Variants in RAB10 observed in about 807,000 individuals in gnomAD.
RAB10 encodes RAB10, member RAS oncogene family, also known as ras-related protein Rab-10.
A neutral mutation model predicts 25.7 loss-of-function variants in RAB10; 5 were observed. The observed-to-expected ratio is 0.19, with a 90% CI of 0.10 to 0.41. The LOEUF is 0.41. Ranked by LOEUF, RAB10 falls within the 10% of genes least tolerant of loss-of-function variation. The pLI is 1.00. For missense variants in RAB10, 103 were observed against 245.8 expected (o/e 0.42, Z 3.89); for synonymous variants, 89 against 86.4 (o/e 1.03, Z -0.16).
chr2:26,113,202 T>G (rs1667611099), intron 3 of RAB10, among the ~76,000 whole-genome samples: 1 of 152,154 alleles, frequency 6.6e-6, no homozygotes, highest in Non-Finnish European at 1.5e-5. Context: ...ATACACCATA[T>G]TAATAGACGA....
intron 1 of RAB10, among the ~76,000 whole-genome samples, chr2:26,076,510 CT>C (rs1409683083): frequency 6.6e-6 from 1 of 152,148 alleles, no homozygotes; most frequent in Non-Finnish European, 1.5e-5. Flanking sequence ...CTGCCATGTT[CT>C]GGAGAACACC....
chr2:26,075,813 T>C (rs546360838), intron 1 of RAB10, among the ~76,000 whole-genome samples: 25 of 151,980 alleles, frequency 1.6e-4, no homozygotes, highest in East Asian at 1.2e-3. Context: ...TGTAGAAAAA[T>C]ATGAAAACTT....
chr2:26,110,695 G>T (rs779625978), intron 3 of RAB10, among the ~76,000 whole-genome samples: 13 of 150,620 alleles, frequency 8.6e-5, no homozygotes, highest in African/African-American at 1.5e-4. Flanking sequence ...TGAAAATGTT[G>T]TTTTTTTTTC....
At chr2:26,048,718 GA>G (rs1394012509) in intron 1 of RAB10, among the ~76,000 whole-genome samples, 7 of 152,052 alleles carry the variant, frequency 4.6e-5, no homozygotes, top group East Asian at 3.9e-4. Context: ...CTACAAAAAA[GA>G]AAAAAATTAG....
chr2:26,079,666 CTTCT>C (rs774581672), intron 1 of RAB10, among the ~76,000 whole-genome samples: 8 of 152,044 alleles, frequency 5.3e-5, no homozygotes, highest in Admixed American at 6.6e-5. Context: ...TCCCTTTTCT[CTTCT>C]TTCTTTTCCT....
At chr2:26,090,502 CTTT>C (rs35732202) in intron 1 of RAB10, among the ~76,000 whole-genome samples, 1 of 143,512 alleles carries the variant, frequency 7.0e-6, no homozygotes, top group African/African-American at 2.6e-5. Context: ...GTTTTCTTGC[CTTT>C]TTTTTTTATT....
At chr2:26,107,115 A>G (rs1334639656) in intron 2 of RAB10, among the ~76,000 whole-genome samples, 1 of 151,886 alleles carries the variant, frequency 6.6e-6, no homozygotes, top group Non-Finnish European at 1.5e-5. Flanking sequence ...ATGTGGTGGC[A>G]CGTGCCTGTA....
intron 1 of RAB10, among the ~76,000 whole-genome samples, chr2:26,055,082 T>A (rs1574529959): frequency 1.3e-5 from 2 of 150,996 alleles, no homozygotes; most frequent in South Asian, 4.1e-4. Context: ...TGCCATTTAT[T>A]GAAAAAAAAA....
At chr2:26,083,824 A>G (rs181611768) in intron 1 of RAB10, among the ~76,000 whole-genome samples, 12 of 152,106 alleles carry the variant, frequency 7.9e-5, no homozygotes, top group Non-Finnish European at 1.8e-4. Flanking sequence ...TGCTTAATCA[A>G]TTGGAGTTCT....
intron 1 of RAB10, among the ~76,000 whole-genome samples, chr2:26,043,935 T>C (rs1665942236): frequency 6.6e-6 from 1 of 152,178 alleles, no homozygotes; most frequent in Non-Finnish European, 1.5e-5. Flanking sequence ...AATATGAGGC[T>C]ATCTAAAGTC....
chr2:26,055,110 G>GTT (rs1446243225), intron 1 of RAB10, among the ~76,000 whole-genome samples: 1 of 151,572 alleles, frequency 6.6e-6, no homozygotes, highest in African/African-American at 2.4e-5. Context: ...CTTTTAATAT[G>GTT]TTAGGCACCC....
rs997869167 is a variant in RAB10 at position 26,068,236 on chromosome 2, A to T, written c.128-30426A>T. 2.0e-5 allele frequency among the ~76,000 whole-genome samples: 3 copies of T among 152,054 alleles called. No individual in the cohort carries two copies. The South Asian group carries it at 6.2e-4, about 31-fold the overall frequency. Reference sequence around the variant, plus strand: ...AACTGAAAGATGATGTGTGTTGCAAATGTGACTTGTGAGGCTAGCAGAAGC... The same window carrying T: ...AACTGAAAGATGATGTGTGTTGCAATTGTGACTTGTGAGGCTAGCAGAAGC... On this transcript the variant is annotated intron_variant, in intron 1 of 5. Coordinates refer to ENST00000264710, the MANE Select transcript of RAB10 (RefSeq NM_016131.5).
rs572038166 is a variant in RAB10, at chr2:26,127,251, A to G, written c.417+18A>G. 3.6e-5 allele frequency: 54 copies of G among 1,518,882 alleles called. No homozygotes were observed. The highest frequency in any genetic ancestry group is 4.0e-5 in the Non-Finnish European group (44 of 1,111,232). 94.1% of individuals were successfully genotyped at this position (1,518,882 alleles called of 1,614,324 possible). A position where few individuals can be genotyped will look rare whatever the true frequency, so the allele number is the denominator to read the frequency against. ...GAGAACAGGTAAAAATCTGAATTAAACTGATACTCTGCTCTGTCTTTGTAA... is the reference window on the plus strand; with the variant it reads ...GAGAACAGGTAAAAATCTGAATTAAGCTGATACTCTGCTCTGTCTTTGTAA... On this transcript the variant is annotated intron_variant, in intron 4 of 5. Coordinates refer to ENST00000264710, the MANE Select transcript of RAB10 (RefSeq NM_016131.5).
chr2:26,112,253 TTGAG>T (rs1667589204), intron 3 of RAB10, among the ~76,000 whole-genome samples: 1 of 152,190 alleles, frequency 6.6e-6, no homozygotes, highest in Non-Finnish European at 1.5e-5. Context: ...CTTCTGGTGA[TTGAG>T]TGTAATGTCT....
At chr2:26,085,194 A>C (rs1559588560) in intron 1 of RAB10, among the ~76,000 whole-genome samples, 2 of 152,180 alleles carry the variant, frequency 1.3e-5, no homozygotes, top group African/African-American at 2.4e-5. Context: ...GGGCATATTA[A>C]AGTGAAACAA....
rs372096650 is a variant in RAB10 at position 26,133,096 on chromosome 2, C to T, written c.520-1842C>T. 1.9e-3 allele frequency among the ~76,000 whole-genome samples: 293 copies of T among 152,206 alleles called. 10 individuals carry two copies. In the South Asian group the frequency reaches 0.058, roughly 30 times the overall value. On this transcript the variant is annotated intron_variant, in intron 5 of 5. Transcript: ENST00000264710. ...TAGGCAGTGGGAGTAAGTAGGAGAGCTCTAAGGGCAAGTAGCAGTGTCACT... is the reference window on the plus strand; with the variant it reads ...TAGGCAGTGGGAGTAAGTAGGAGAGTTCTAAGGGCAAGTAGCAGTGTCACT...
At chr2:26,119,483 T>G (rs1667759155) in intron 3 of RAB10, among the ~76,000 whole-genome samples, 1 of 151,988 alleles carries the variant, frequency 6.6e-6, no homozygotes, top group South Asian at 2.1e-4. Flanking sequence ...GTTTTGTTAT[T>G]CAAAGAAGTG....
intron 1 of RAB10, among the ~76,000 whole-genome samples, chr2:26,047,786 C>G (rs1666047921): frequency 6.9e-6 from 1 of 145,666 alleles, no homozygotes; most frequent in South Asian, 2.2e-4. Context: ...TGCAGTCGCA[C>G]AATCTTGGCT....
intron 1 of RAB10, among the ~76,000 whole-genome samples, chr2:26,073,941 T>G (rs1245519889): frequency 6.6e-6 from 1 of 152,176 alleles, no homozygotes; most frequent in Non-Finnish European, 1.5e-5. Context: ...TTAGAGGATG[T>G]TATATATTTT....
Sources: gnomAD v4.1 joint callset for allele counts (sites outside exome capture counted in the v4.1 genomes callset) on GRCh38, gnomAD v4.1.1 for gene constraint, MANE v1.5 for transcripts, NCBI Gene and HGNC (gene_info 2026-07-23, HGNC 2026-07-21) for gene names.